CCDC178: variants seen among roughly 807,000 people sequenced by gnomAD.
The protein encoded by CCDC178 is coiled-coil domain-containing protein 178.
Under a neutral mutation model 117.4 loss-of-function variants are expected in CCDC178, and 126 were observed. The observed-to-expected ratio is 1.07, with a 90% CI of 0.93 to 1.24. The LOEUF is 1.24. Ranked by LOEUF, CCDC178 falls within the 50% of genes most tolerant of loss-of-function variation. The probability of loss-of-function intolerance (pLI) is 0.00; values close to 1 mark genes in which losing one functional copy is unlikely to be tolerated. For missense variants in CCDC178, 1,030 were observed against 986.9 expected, an observed-to-expected ratio of 1.04 and a Z score of -0.59; for synonymous variants, 283 against 313.4, an observed-to-expected ratio of 0.90 and a Z score of 1.02.
intron 3 of CCDC178, among the ~76,000 whole-genome samples, chr18:33,405,708 A>C (rs1284012284): frequency 1.3e-5 from 2 of 152,208 alleles, no homozygotes; most frequent in Non-Finnish European, 2.9e-5. Flanking sequence ...TAGAAAGTAG[A>C]TGTAGTACAA....
At chr18:33,055,806 A>AT (rs1433423190) in intron 21 of CCDC178, among the ~76,000 whole-genome samples, 2 of 144,266 alleles carry the variant, frequency 1.4e-5, no homozygotes, top group African/African-American at 5.5e-5. Context: ...CTCAATGGAT[A>AT]ATTTTTTTTT....
At chr18:33,102,483 CATT>C (rs1242949585) in intron 20 of CCDC178, among the ~76,000 whole-genome samples, 2 of 146,082 alleles carry the variant, frequency 1.4e-5, no homozygotes, top group Non-Finnish European at 3.0e-5. Context: ...GGTCAGAAAA[CATT>C]AGGGCTATTG....
intron 7 of CCDC178, among the ~76,000 whole-genome samples, chr18:33,349,742 A>G (rs1371773902): frequency 2.0e-5 from 3 of 151,900 alleles, no homozygotes; most frequent in Non-Finnish European, 4.4e-5. Flanking sequence ...TTTTTATTAA[A>G]GAAGTATTCT....
chr18:32,954,676 T>G (rs1220486140), intron 22 of CCDC178: 2 of 152,138 alleles, frequency 1.3e-5, no homozygotes, highest in Non-Finnish European at 2.9e-5. Context: ...GAGGTAGTGA[T>G]GGAAATGACT....
chr18:33,348,993 A>G lies in CCDC178; in HGVS notation c.372-18T>C. ...TTCTGCTCCTATATAATGGGAAAGA[A>G]GCAAGCAGTAAAGAAGTACTTAAAG... On this transcript the variant is annotated intron_variant, in intron 7 of 22. Coordinates refer to ENST00000383096, the MANE Select transcript of CCDC178 (RefSeq NM_001105528.4). The G allele has an allele frequency of 6.5e-7, 1 of 1,527,318 alleles. No individual in the cohort carries two copies. The highest frequency in any genetic ancestry group is 1.2e-5 in the South Asian group (1 of 85,116). The allele number at this position is 1,527,318 out of a possible 1,614,324, so 94.6% of individuals were successfully genotyped here.
At chr18:33,399,131 C>T (rs994577949) in intron 3 of CCDC178, among the ~76,000 whole-genome samples, 34 of 151,270 alleles carry the variant, frequency 2.2e-4, no homozygotes, top group Middle Eastern at 3.2e-3. Context: ...ACCCGCAAGG[C>T]GGAGGTTGCG....
At chr18:33,346,441 T>G in intron 8 of CCDC178, 30 bp from the exon 9 acceptor site, 1 of 1,466,924 alleles carries the variant, frequency 6.8e-7, no homozygotes, top group Non-Finnish European at 9.5e-7. Context: ...TCACATTTGT[T>G]AATAAATCAG....
At position 33,333,159 on chromosome 18, in the gene CCDC178, C is replaced by T; in HGVS notation, c.879+15G>A. The T allele has an allele frequency of 1.4e-6, 2 of 1,434,848 alleles. No individual in the cohort carries two copies. Among genetic ancestry groups the T allele is most frequent in the Non-Finnish European group, 1.9e-6 (2 of 1,033,954 alleles). 88.9% of individuals were successfully genotyped at this position (1,434,848 alleles called of 1,614,324 possible). ...AGTAATAATTTATGAAATGCTCATG[C>T]ATTCGTTTATTTACCTCCATTTTTT... On this transcript the variant is annotated intron_variant, in intron 10 of 22. Coordinates refer to ENST00000383096, the MANE Select transcript of CCDC178 (RefSeq NM_001105528.4).
chr18:33,170,229 C>T (rs2058582946), intron 20 of CCDC178, among the ~76,000 whole-genome samples: 1 of 151,968 alleles, frequency 6.6e-6, no homozygotes, highest in South Asian at 2.1e-4. Flanking sequence ...TCTGTGTAAC[C>T]CAGAGCCTCT....
intron 14 of CCDC178, among the ~76,000 whole-genome samples, chr18:33,251,045 C>T (rs190740297): frequency 3.9e-4 from 59 of 151,424 alleles, no homozygotes; most frequent in Non-Finnish European, 7.2e-4. Context: ...GAATATGACA[C>T]GGAGATAAGC....
chr18:33,155,360 C>T (rs2058382291), intron 20 of CCDC178, among the ~76,000 whole-genome samples: 1 of 152,012 alleles, frequency 6.6e-6, no homozygotes, highest in African/African-American at 2.4e-5. Context: ...ATACCTAAAG[C>T]TATGCTTAGA....
chr18:33,013,267 T>A (rs763858057), intron 21 of CCDC178, among the ~76,000 whole-genome samples: 3 of 152,150 alleles, frequency 2.0e-5, no homozygotes, highest in Non-Finnish European at 4.4e-5. Flanking sequence ...CTAACTTTAG[T>A]TCCTTAATCA....
chr18:33,374,780 T>C (rs1327404050), intron 5 of CCDC178, among the ~76,000 whole-genome samples: 1 of 152,216 alleles, frequency 6.6e-6, no homozygotes, highest in Non-Finnish European at 1.5e-5. Flanking sequence ...GGGAATGGTA[T>C]TGATCAATAA....
At chr18:33,285,199 G>A (rs551232298) in intron 12 of CCDC178, among the ~76,000 whole-genome samples, 75 of 151,956 alleles carry the variant, frequency 4.9e-4, no homozygotes, top group African/African-American at 1.6e-3. Flanking sequence ...AGCATTCCGC[G>A]TCATGCTATG....
chr18:33,016,576 G>A (rs1038469552), intron 21 of CCDC178, among the ~76,000 whole-genome samples: 5 of 151,784 alleles, frequency 3.3e-5, no homozygotes, highest in African/African-American at 7.3e-5. Context: ...TTTGTTGCTG[G>A]GCTTATAATG....
At chr18:33,092,495 A>G (rs2057480938) in intron 21 of CCDC178, among the ~76,000 whole-genome samples, 1 of 152,106 alleles carries the variant, frequency 6.6e-6, no homozygotes, top group Non-Finnish European at 1.5e-5. Flanking sequence ...ATCTACAGAT[A>G]AAAAATTGGC....
chr18:33,438,345 G>A (rs2064321323), intron 2 of CCDC178, among the ~76,000 whole-genome samples: 1 of 152,044 alleles, frequency 6.6e-6, no homozygotes, highest in African/African-American at 2.4e-5. Context: ...CCACTCCCCT[G>A]TCTGCATTTG....
At chr18:33,429,271 G>A (rs1015106762) in intron 2 of CCDC178, among the ~76,000 whole-genome samples, 1 of 151,928 alleles carries the variant, frequency 6.6e-6, no homozygotes, top group African/African-American at 2.4e-5. Context: ...CTAACGACCT[G>A]GAACTGGCAA....
At chr18:33,081,229 T>C (rs1218414052) in intron 21 of CCDC178, among the ~76,000 whole-genome samples, 1 of 152,212 alleles carries the variant, frequency 6.6e-6, no homozygotes, top group Non-Finnish European at 1.5e-5. Flanking sequence ...AATATAATTG[T>C]TTTAACAATA....
Sources: gnomAD v4.1 joint callset for allele counts (sites outside exome capture counted in the v4.1 genomes callset) on GRCh38, gnomAD v4.1.1 for gene constraint, MANE v1.5 for transcripts, NCBI Gene and HGNC (gene_info 2026-07-23, HGNC 2026-07-21) for gene names.